Variants in SLC16A6 observed in about 807,000 individuals in gnomAD.
The protein encoded by SLC16A6 is solute carrier family 16 member 6.
A neutral mutation model predicts 33.8 loss-of-function variants in SLC16A6; 15 were observed. The ratio of observed to expected loss-of-function variants is 0.44; its 90% CI spans 0.30 to 0.68. The LOEUF (loss-of-function observed/expected upper bound fraction) is 0.68, where lower values mean the gene tolerates loss of function less well. Among genes scored for constraint, SLC16A6 ranks in the 30% least tolerant of loss-of-function variants. The pLI is 0.10. For synonymous variants in SLC16A6, 219 were observed against 248.4 expected (o/e 0.88, Z 1.11); for missense variants, 451 against 661.5 (o/e 0.68, Z 3.49).
intron 1 of SLC16A6, 96 bp from the exon 2 acceptor site, chr17:68,278,423 C>T (rs1439830951): frequency 1.6e-5 from 11 of 703,354 alleles, no homozygotes; most frequent in South Asian, 1.5e-4. Context: ...AACTACTTAC[C>T]CCATTTCTTA....
Position 68,282,779 on chromosome 17 carries a change from T to TAAAAAAAAAAA in SLC16A6, c.-7-4463_-7-4453dup, listed in dbSNP as rs36155626. Among the ~76,000 whole-genome samples, 61 of 53,396 alleles carry TAAAAAAAAAAA rather than the reference T, an allele frequency of 1.1e-3. 5 individuals carry two copies. The highest frequency in any genetic ancestry group is 5.0e-3 in the Admixed American group (21 of 4,224). 35.0% of individuals were successfully genotyped at this position (53,396 alleles called of 152,430 possible). A position where few individuals can be genotyped will look rare whatever the true frequency, so the allele number is the denominator to read the frequency against. On this transcript the variant is annotated intron_variant, in intron 1 of 5. Coordinates refer to ENST00000580666, the MANE Select transcript of SLC16A6 (RefSeq NM_004694.5). ...CAACATAGTGAAACCCCATCTCTAC[T>TAAAAAAAAAAA]AAAAAAAAAAAAAAAAAAAAAGGCC...
chr17:68,284,323 G>A (rs1381025691), intron 1 of SLC16A6, among the ~76,000 whole-genome samples: 2 of 152,088 alleles, frequency 1.3e-5, no homozygotes, highest in African/African-American at 4.8e-5. Flanking sequence ...GAACCCGGGA[G>A]GCAGAGGTTG....
intron 1 of SLC16A6, among the ~76,000 whole-genome samples, chr17:68,284,950 C>T (rs2075808264): frequency 1.3e-5 from 2 of 152,128 alleles, no homozygotes; most frequent in African/African-American, 4.8e-5. Flanking sequence ...CTGCCTGTAC[C>T]TTGTACACAG....
At position 68,284,554 on chromosome 17, in the gene SLC16A6, T is replaced by C. The variant is rs112117618; in HGVS notation, c.-7-6227A>G. Reference sequence around the variant, plus strand: ...CAAAGTTACTAAGGCAAAGGTTTTATTGAAAGTAGAAGGCAACTGAAAAAT... The same window carrying C: ...CAAAGTTACTAAGGCAAAGGTTTTACTGAAAGTAGAAGGCAACTGAAAAAT... On this transcript the variant is annotated intron_variant, in intron 1 of 5. Coordinates refer to ENST00000580666, the MANE Select transcript of SLC16A6 (RefSeq NM_004694.5). Among the ~76,000 whole-genome samples the C allele has an allele frequency of 2.3e-3, 353 of 152,318 alleles. 2 individuals are homozygous for C. Among genetic ancestry groups the C allele is most frequent in the Non-Finnish European group, 4.1e-3 (282 of 68,042 alleles).
At chr17:68,283,424 G>A (rs2145136247) in intron 1 of SLC16A6, among the ~76,000 whole-genome samples, 1 of 152,032 alleles carries the variant, frequency 6.6e-6, no homozygotes, top group East Asian at 1.9e-4. Context: ...CGGAGGCTGA[G>A]GCAGGAGAAT....
intron 1 of SLC16A6, among the ~76,000 whole-genome samples, chr17:68,285,995 G>A (rs574549248): frequency 3.0e-4 from 45 of 152,156 alleles, no homozygotes; most frequent in African/African-American, 9.9e-4. Context: ...TCCTGACCTC[G>A]TGATCCACCC....
At chr17:68,279,876 A>G (rs1555752173) in intron 1 of SLC16A6, among the ~76,000 whole-genome samples, 1 of 152,164 alleles carries the variant, frequency 6.6e-6, no homozygotes, top group African/African-American at 2.4e-5. Flanking sequence ...ATGGCAACCA[A>G]CTTCAAGTTT....
intron 5 of SLC16A6, among the ~76,000 whole-genome samples, chr17:68,270,365 C>T (rs577656231): frequency 1.6e-4 from 25 of 152,136 alleles, no homozygotes; most frequent in African/African-American, 4.6e-4. Context: ...ACCATCCTGG[C>T]CAACATGGTG....
upstream of SLC16A6, chr17:68,291,163 G>T (rs1264413025): frequency 6.6e-6 from 1 of 152,036 alleles, no homozygotes. Flanking sequence ...CTTATAAGCC[G>T]CTCGGTAACA....
chr17:68,287,294 C>T (rs1046299392), intron 1 of SLC16A6, among the ~76,000 whole-genome samples: 1 of 150,564 alleles, frequency 6.6e-6, no homozygotes, highest in Non-Finnish European at 1.5e-5. Flanking sequence ...TGGGATTACA[C>T]GCGTGAGCCA....
intron 5 of SLC16A6, among the ~76,000 whole-genome samples, chr17:68,270,048 A>G (rs2075285925): frequency 1.3e-5 from 2 of 152,316 alleles, no homozygotes; most frequent in Non-Finnish European, 1.5e-5. Context: ...GATCTAAGAT[A>G]TGAAACATAC....
intron 1 of SLC16A6, among the ~76,000 whole-genome samples, chr17:68,281,886 C>T (rs550377672): frequency 6.6e-6 from 1 of 152,176 alleles, no homozygotes; most frequent in Non-Finnish European, 1.5e-5. Context: ...TATAGGAACA[C>T]TTTTACACTG....
intron 1 of SLC16A6, among the ~76,000 whole-genome samples, chr17:68,280,160 C>A (rs897611420): frequency 2.7e-4 from 29 of 105,924 alleles, no homozygotes; most frequent in Admixed American, 5.3e-4. Flanking sequence ...CCAGCCTGGG[C>A]AATAGAGCAA....
Position 68,287,930 on chromosome 17 carries a change from CTCT to C in SLC16A6, c.-8+3153_-8+3155del, listed in dbSNP as rs1373072204. Reference sequence around the variant, plus strand: ...TCTTCTCCCTTTTTTCTTTTCTCTTCTCTTCTTCTCTTCTCTCTCTCTTTCTCT... The same window carrying C: ...TCTTCTCCCTTTTTTCTTTTCTCTTCTCTTCTCTTCTCTCTCTCTTTCTCT... On this transcript the variant is annotated intron_variant, in intron 1 of 5. Coordinates refer to ENST00000580666, the MANE Select transcript of SLC16A6 (RefSeq NM_004694.5). Among the ~76,000 whole-genome samples the C allele has an allele frequency of 1.2e-3, 180 of 150,854 alleles. 1 individual carries two copies. Among genetic ancestry groups the C allele is most frequent in the African/African-American group, 3.7e-3 (154 of 41,164 alleles).
At chr17:68,283,704 G>T in intron 1 of SLC16A6, among the ~76,000 whole-genome samples, 1 of 149,700 alleles carries the variant, frequency 6.7e-6, no homozygotes, top group South Asian at 2.1e-4. Context: ...TTGAAACCCT[G>T]TCTCTACTAA....
chr17:68,281,158 C>G (rs937794091), intron 1 of SLC16A6, among the ~76,000 whole-genome samples: 1 of 151,490 alleles, frequency 6.6e-6, no homozygotes, highest in South Asian at 2.1e-4. Context: ...AAAGACAACC[C>G]ACAGAAGGGT....
chr17:68,284,049 C>A (rs1450322024), intron 1 of SLC16A6, among the ~76,000 whole-genome samples: 2 of 149,604 alleles, frequency 1.3e-5, no homozygotes, highest in East Asian at 3.9e-4. Flanking sequence ...CGAGGTCACA[C>A]CACTGCACTC....
intron 1 of SLC16A6, among the ~76,000 whole-genome samples, chr17:68,283,647 G>A (rs1292359409): frequency 2.0e-5 from 3 of 151,746 alleles, no homozygotes; most frequent in South Asian, 2.1e-4. Flanking sequence ...ATGGAGAAAC[G>A]CTGTCTCTAC....
intron 4 of SLC16A6, 44 bp downstream of exon 4, chr17:68,272,595 G>A (rs372053091): frequency 5.0e-6 from 8 of 1,597,492 alleles, no homozygotes; most frequent in Non-Finnish European, 6.8e-6. Context: ...CCTGAGTGAC[G>A]TCTCTCATCC....
Sources: gnomAD v4.1 joint callset for allele counts (sites outside exome capture counted in the v4.1 genomes callset) on GRCh38, gnomAD v4.1.1 for gene constraint, MANE v1.5 for transcripts, NCBI Gene and HGNC (gene_info 2026-07-23, HGNC 2026-07-21) for gene names.